DNAH9: variants seen among roughly 807,000 people sequenced by gnomAD.
The protein encoded by DNAH9 is DNAH9 variant protein.
DNAH9 carries 345 observed loss-of-function variants against 471.6 expected under a neutral mutation model. The observed-to-expected ratio is 0.73, with a 90% CI of 0.67 to 0.80. DNAH9 has a LOEUF of 0.80. DNAH9 is among the 30% of genes least tolerant of loss of function. The pLI, the probability that DNAH9 is intolerant of heterozygous loss-of-function variation, is 0.00. For synonymous variants in DNAH9, 2,093 were observed against 2,123.6 expected, an observed-to-expected ratio of 0.99 and a Z score of 0.40; for missense variants, 5,407 against 5,609.2, an observed-to-expected ratio of 0.96 and a Z score of 1.15.
At chr17:11,675,840 G>C in intron 17 of DNAH9, among the ~76,000 whole-genome samples, 1 of 151,378 alleles carries the variant, frequency 6.6e-6, no homozygotes, top group East Asian at 1.9e-4. Context: ...CAAATATTTT[G>C]TTTAGCATTA....
Position 11,711,970 on chromosome 17 carries a change from T to A in DNAH9, c.5552+6785T>A, listed in dbSNP as rs1221386252. Reference sequence around the variant, plus strand: ...TATATTTATATATAAATATATATATTTGTATATATATTTATATATAAATAT... The same window carrying A: ...TATATTTATATATAAATATATATATATGTATATATATTTATATATAAATAT... On this transcript the variant is annotated intron_variant, in intron 26 of 68. Transcript: ENST00000262442. Among the ~76,000 whole-genome samples, 8 of 3,244 alleles carry A rather than the reference T, an allele frequency of 2.5e-3. 3 individuals are homozygous for A. In the Admixed American group the frequency reaches 0.066, roughly 27 times the overall value. The allele number at this position is 3,244 out of a possible 152,430, so 2.1% of individuals were successfully genotyped here.
chr17:11,894,642 C>T, intron 59 of DNAH9, 146 bp downstream of exon 59: 3 of 1,064,320 alleles, frequency 2.8e-6, no homozygotes, highest in Non-Finnish European at 1.3e-6. Flanking sequence ...TCCTTGCGTC[C>T]CCACAGTGAG....
At position 11,944,529 on chromosome 17, in the gene DNAH9, A is replaced by G. The variant is rs1203828441; in HGVS notation, c.12843+2044A>G. On this transcript the variant is annotated intron_variant, in intron 67 of 68. Coordinates refer to ENST00000262442, the MANE Select transcript of DNAH9 (RefSeq NM_001372.4). The stretch of plus-strand genomic sequence containing the variant: ...TTTGGCTGCAGCTACAGGCCCACTC[A>G]GGTGAGCAACAGTGATAGGGTGAAC... Among the ~76,000 whole-genome samples the G allele has an allele frequency of 2.6e-5, 4 of 152,160 alleles. No individual in the cohort carries two copies. In the East Asian group the frequency reaches 7.7e-4, roughly 29 times the overall value.
intron 41 of DNAH9, among the ~76,000 whole-genome samples, chr17:11,791,483 G>A (rs961705928): frequency 3.9e-5 from 6 of 152,142 alleles, no homozygotes; most frequent in Admixed American, 3.9e-4. Context: ...GACCAAGGTG[G>A]GCAGATCACT....
intron 53 of DNAH9, among the ~76,000 whole-genome samples, chr17:11,878,430 T>C (rs1392993412): frequency 6.6e-6 from 1 of 152,248 alleles, no homozygotes; most frequent in Non-Finnish European, 1.5e-5. Flanking sequence ...TCATTTTATT[T>C]TAGTTTTTTA....
At chr17:11,805,340 C>G (rs1969626401) in intron 43 of DNAH9, among the ~76,000 whole-genome samples, 1 of 151,986 alleles carries the variant, frequency 6.6e-6, no homozygotes, top group African/African-American at 2.4e-5. Flanking sequence ...CCACCAAAAC[C>G]CGTGTCCAGA....
At chr17:11,663,125 C>T (rs1317520477) in intron 14 of DNAH9, among the ~76,000 whole-genome samples, 1 of 152,130 alleles carries the variant, frequency 6.6e-6, no homozygotes, top group Non-Finnish European at 1.5e-5. Context: ...ATGGTGTTTC[C>T]AGGGTCTCAA....
chr17:11,721,444 C>T (rs376742347), intron 27 of DNAH9, among the ~76,000 whole-genome samples: 2 of 152,068 alleles, frequency 1.3e-5, no homozygotes, highest in Non-Finnish European at 2.9e-5. Flanking sequence ...CCCAGGTAAC[C>T]AAACAGCCCC....
chr17:11,743,221 G>T (rs922345522), intron 30 of DNAH9, among the ~76,000 whole-genome samples: 3 of 152,080 alleles, frequency 2.0e-5, no homozygotes, highest in Non-Finnish European at 4.4e-5. Context: ...CTAGGACCCT[G>T]GGAGTTACCC....
At chr17:11,781,727 G>C (rs927186698) in intron 39 of DNAH9, among the ~76,000 whole-genome samples, 1 of 151,922 alleles carries the variant, frequency 6.6e-6, no homozygotes, top group Admixed American at 6.6e-5. Flanking sequence ...AGCTACTCGG[G>C]AGGCTGAGGC....
intron 65 of DNAH9, among the ~76,000 whole-genome samples, chr17:11,934,381 A>G (rs1974625674): frequency 6.6e-6 from 1 of 151,658 alleles, no homozygotes; most frequent in Non-Finnish European, 1.5e-5. Context: ...GTTTTCTACA[A>G]ATAACATCTG....
At chr17:11,722,359 A>G (rs16945245) in intron 27 of DNAH9, among the ~76,000 whole-genome samples, 3,299 of 152,310 alleles carry the variant, frequency 0.022, 59 homozygotes, top group East Asian at 0.09. Context: ...GCAAAAGCAT[A>G]AAGATTGGAA....
At chr17:11,724,567 T>C (rs1374102629) in intron 27 of DNAH9, among the ~76,000 whole-genome samples, 1 of 152,248 alleles carries the variant, frequency 6.6e-6, no homozygotes, top group East Asian at 1.9e-4. Flanking sequence ...ATTTTCTTTA[T>C]GCATTCATCC....
chr17:11,727,077 A>AAAAAAC (rs2075167459), intron 27 of DNAH9, among the ~76,000 whole-genome samples: 3 of 118,050 alleles, frequency 2.5e-5, no homozygotes, highest in East Asian at 5.4e-4. Flanking sequence ...AAAAAAAAAA[A>AAAAAAC]CCCGCTGAAT....
rs1171351727 is a variant in DNAH9, at chr17:11,834,347, A to AAAG, written c.9247-279_9247-277dup. Among the ~76,000 whole-genome samples, 60 of 148,990 alleles carry AAAG rather than the reference A, an allele frequency of 4.0e-4. 1 individual carries two copies. The highest frequency in any genetic ancestry group is 2.8e-3 in the East Asian group (13 of 4,680). ...CCGTCTCAAAAAAAAAAAAAAAAAA[A>AAAG]AAGAAGAAGAAGAAATAAAAAAGAA... On this transcript the variant is annotated intron_variant, in intron 48 of 68. Coordinates refer to ENST00000262442, the MANE Select transcript of DNAH9 (RefSeq NM_001372.4).
intron 38 of DNAH9, among the ~76,000 whole-genome samples, chr17:11,771,572 C>G (rs1304751576): frequency 1.3e-5 from 2 of 152,332 alleles, no homozygotes; most frequent in Admixed American, 1.3e-4. Context: ...CCATCAAGGC[C>G]GAAGTCATCA....
chr17:11,807,819 G>C lies in DNAH9; in HGVS notation c.8508G>C (p.Arg2836Ser). Reference sequence around the variant, plus strand: ...GGAGCGGCAAGCAGAGCCTGACAAGGCTGGCAGCTTTCATCAGCTCCATGG... The same window carrying C: ...GGAGCGGCAAGCAGAGCCTGACAAGCCTGGCAGCTTTCATCAGCTCCATGG... ...VGGSGKQSLTRLAAFISSMDV... is the reference protein window; with the variant it reads ...VGGSGKQSLTSLAAFISSMDV... The change falls in exon 44 of 69, where the codon AGG becomes AGC. Residue 2836 changes from arginine to serine, a missense_variant. By Grantham distance (110) the Arg-to-Ser change is moderately radical. This residue lies in a region of DNAH9 where 4,636 missense variants were observed against 4,900.3 expected (regional missense o/e 0.95). Transcript: ENST00000262442. 1.2e-6 allele frequency: 2 copies of C among 1,614,066 alleles called. No individual in the cohort carries two copies. Among genetic ancestry groups the C allele is most frequent in the South Asian group, 1.1e-5 (1 of 91,062 alleles).
intron 35 of DNAH9, among the ~76,000 whole-genome samples, chr17:11,761,448 A>C (rs1490491755): frequency 1.3e-5 from 2 of 152,160 alleles, no homozygotes; most frequent in African/African-American, 2.4e-5. Flanking sequence ...GCTCCTCCCC[A>C]TCACTGGAAA....
intron 8 of DNAH9, among the ~76,000 whole-genome samples, chr17:11,635,820 G>A (rs1040573733): frequency 1.3e-5 from 2 of 152,138 alleles, no homozygotes; most frequent in African/African-American, 4.8e-5. Context: ...CACATCTTCA[G>A]AGAAAGGTCA....
Sources: allele counts gnomAD v4.1 joint callset (sites outside exome capture counted in the v4.1 genomes callset), GRCh38; gene constraint gnomAD v4.1.1; regional missense constraint gnomAD v4.1.1; transcripts MANE v1.5; gene names NCBI Gene and HGNC (gene_info 2026-07-23, HGNC 2026-07-21).